Variants in AP2S1 observed in about 807,000 individuals in gnomAD.
AP2S1 encodes AP-2 complex subunit sigma.
A neutral mutation model predicts 21.0 loss-of-function variants in AP2S1; 6 were observed. That is an observed-to-expected ratio of 0.29 (90% CI 0.16 to 0.56). AP2S1 has a LOEUF of 0.56. AP2S1 is among the 20% of genes least tolerant of loss of function. The pLI is 0.92. For missense variants in AP2S1, 60 were observed against 186.2 expected (o/e 0.32, Z 3.95); for synonymous variants, 63 against 74.6 (o/e 0.84, Z 0.80).
At chr19:46,839,438 C>CCCCCCAAAAAACCA in intron 3 of AP2S1, 27 bp downstream of exon 3, 1 of 1,577,424 alleles carries the variant, frequency 6.3e-7, no homozygotes, top group Non-Finnish European at 8.7e-7. Flanking sequence ...ACCCGCCTCC[C>CCCCCCAAAAAACCA]CACCTTACAT....
At chr19:46,846,183 G>C (rs776712102) in intron 1 of AP2S1, 41 bp from the exon 2 acceptor site, 25 of 1,611,162 alleles carry the variant, frequency 1.6e-5, no homozygotes, top group Non-Finnish European at 2.1e-5. Flanking sequence ...GAGAGAGGCA[G>C]AGAGGGCGGG....
chr19:46,844,695 G>A (rs151077024), intron 2 of AP2S1, among the ~76,000 whole-genome samples: 3,160 of 152,288 alleles, frequency 0.021, 116 homozygotes, highest in African/African-American at 0.071. Flanking sequence ...AGCTACTCAG[G>A]AGGCTGAGGT....
In AP2S1 at chr19:46,838,405, G is replaced by A. The variant is rs750042841; in HGVS notation, c.*42C>T. The A allele has an allele frequency of 5.0e-6, 8 of 1,594,678 alleles. No individual in the cohort carries two copies. The highest frequency in any genetic ancestry group is 1.3e-5 in the African/African-American group (1 of 74,456). On this transcript the variant is annotated 3_prime_UTR_variant, in exon 5 of 5. Transcript: ENST00000263270. This position sits in a 1 kb window ranked among gnomAD's most constrained non-coding sequence, Gnocchi z 4.1. ...GCCTGGGAAGGGGAAGCGAGCAGGC[G>A]AGTCCAGGAGGGGCCGGGGCCGGGG... is the stretch of plus-strand genomic sequence containing the variant.
At chr19:46,850,243 C>G in intron 1 of AP2S1, 1 of 1,232,890 alleles carries the variant, frequency 8.1e-7, no homozygotes, top group Non-Finnish European at 1.0e-6. Flanking sequence ...GATCATCCCT[C>G]TCTCACAGGC....
chr19:46,844,629 C>T (rs1275292972), intron 2 of AP2S1, among the ~76,000 whole-genome samples: 4 of 151,866 alleles, frequency 2.6e-5, no homozygotes, highest in Admixed American at 6.6e-5. Context: ...GAGACCCCAT[C>T]GCTACCAAAA....
chr19:46,847,265 GCT>G (rs2055652913), intron 1 of AP2S1, among the ~76,000 whole-genome samples: 1 of 147,014 alleles, frequency 6.8e-6, no homozygotes, highest in Non-Finnish European at 1.5e-5. Context: ...ACAGGTTCTA[GCT>G]CTGTTGCCCA....
chr19:46,847,823 C>CGTA (rs1412863907), intron 1 of AP2S1, among the ~76,000 whole-genome samples: 2 of 152,088 alleles, frequency 1.3e-5, no homozygotes, highest in African/African-American at 4.8e-5. Context: ...TGGATAAGGC[C>CGTA]GTACTTCGGG....
intron 1 of AP2S1, chr19:46,850,070 A>G: frequency 8.4e-7 from 1 of 1,186,664 alleles, no homozygotes; most frequent in Non-Finnish European, 1.1e-6. Flanking sequence ...CCCACCCCAC[A>G]AGATCTCTCC....
intron 2 of AP2S1, among the ~76,000 whole-genome samples, chr19:46,841,651 T>G (rs2055523034): frequency 6.6e-6 from 1 of 152,236 alleles, no homozygotes; most frequent in Non-Finnish European, 1.5e-5. Context: ...GCTGTCACAC[T>G]GTGTCCTCCA....
intron 1 of AP2S1, among the ~76,000 whole-genome samples, chr19:46,849,200 C>T (rs1325375432): frequency 6.9e-6 from 1 of 145,288 alleles, no homozygotes. Context: ...GAGACGGGGT[C>T]TCACCACGTT....
chr19:46,847,399 G>A (rs935340562), intron 1 of AP2S1, among the ~76,000 whole-genome samples: 4 of 152,038 alleles, frequency 2.6e-5, no homozygotes, highest in African/African-American at 9.7e-5. Flanking sequence ...TGTATTTTTA[G>A]TAGAGACAGT....
At chr19:46,846,554 G>A (rs1487523275) in intron 1 of AP2S1, among the ~76,000 whole-genome samples, 1 of 151,270 alleles carries the variant, frequency 6.6e-6, no homozygotes, top group Non-Finnish European at 1.5e-5. Flanking sequence ...GGGATCACAG[G>A]TGTGAGCCAC....
chr19:46,850,666 C>G lies in AP2S1; in HGVS notation c.3+98G>C. The G allele has an allele frequency of 4.4e-6, 5 of 1,140,912 alleles. No individual in the cohort carries two copies. The South Asian group carries it at 5.1e-5, about 12-fold the overall frequency. The allele number at this position is 1,140,912 out of a possible 1,614,324, so 70.7% of individuals were successfully genotyped here. A position where few individuals can be genotyped will look rare whatever the true frequency, so the allele number is the denominator to read the frequency against. On this transcript the variant is annotated intron_variant, in intron 1 of 4. Transcript: ENST00000263270. ...GAGCCCGCGCCTGACCCAGACCATCCGCGGCAGAGAAGGGACTTGTCAGCG... is the reference window on the plus strand; with the variant it reads ...GAGCCCGCGCCTGACCCAGACCATCGGCGGCAGAGAAGGGACTTGTCAGCG...
chr19:46,845,843 G>A, intron 2 of AP2S1, 150 bp downstream of exon 2: 1 of 968,036 alleles, frequency 1.0e-6, no homozygotes, highest in South Asian at 1.7e-5. Context: ...TAAAGGAAGG[G>A]AAGAAGCAAG....
At chr19:46,839,423 T>TGG in intron 3 of AP2S1, 42 bp downstream of exon 3, 104 of 1,531,754 alleles carry the variant, frequency 6.8e-5, no homozygotes, top group Non-Finnish European at 8.3e-5. Flanking sequence ...ACTCCAGGGC[T>TGG]GCCCACCCGC....
chr19:46,850,320 T>A, intron 1 of AP2S1: 1 of 1,243,196 alleles, frequency 8.0e-7, no homozygotes, highest in East Asian at 3.2e-5. Flanking sequence ...TAGAGACTCC[T>A]CCCATCAAGA....
chr19:46,846,201 CT>C, intron 1 of AP2S1, 59 bp from the exon 2 acceptor site: 1 of 1,596,346 alleles, frequency 6.3e-7, no homozygotes, highest in Non-Finnish European at 8.6e-7. Context: ...GGGTTGGGTG[CT>C]GCCCAACGGC....
chr19:46,848,814 G>A (rs1199813044), intron 1 of AP2S1, among the ~76,000 whole-genome samples: 2 of 152,100 alleles, frequency 1.3e-5, no homozygotes, highest in Non-Finnish European at 2.9e-5. Context: ...CCAGGTTCAA[G>A]CGATTCTCCT....
chr19:46,842,888 A>G (rs541638516), intron 2 of AP2S1, among the ~76,000 whole-genome samples: 5 of 152,010 alleles, frequency 3.3e-5, no homozygotes, highest in Non-Finnish European at 7.4e-5. Flanking sequence ...TCCTCGGTCT[A>G]TCCTCACTTC....
Sources: gnomAD v4.1 joint callset for allele counts (sites outside exome capture counted in the v4.1 genomes callset) on GRCh38, gnomAD v4.1.1 for gene constraint, Gnocchi (gnomAD v3.1) non-coding constraint, MANE v1.5 for transcripts, NCBI Gene and HGNC (gene_info 2026-07-23, HGNC 2026-07-21) for gene names.